SLC25A19: variants seen among roughly 807,000 people sequenced by gnomAD.
SLC25A19 encodes mitochondrial thiamine pyrophosphate carrier.
In SLC25A19, 18 loss-of-function variants were observed where a neutral mutation model predicts 27.9. The ratio of observed to expected loss-of-function variants is 0.64; its 90% confidence interval spans 0.45 to 0.96. The LOEUF is 0.96. SLC25A19 is among the 40% of genes least tolerant of loss of function. The pLI is 0.00. For missense variants in SLC25A19, 371 were observed against 418.3 expected, an observed-to-expected ratio of 0.89 and a Z score of 0.99; for synonymous variants, 169 against 167.1, an observed-to-expected ratio of 1.01 and a Z score of -0.09.
chr17:75,287,611 G>T (rs1007229796), intron 2 of SLC25A19: 1 of 152,210 alleles, frequency 6.6e-6, no homozygotes, highest in Admixed American at 6.5e-5. Context: ...AGATCAACTG[G>T]TTTTCCAAGA....
rs1798831443 is a variant in SLC25A19, at chr17:75,283,600, G to T, written c.289-7C>A. The T allele has an allele frequency of 6.2e-7, 1 of 1,612,626 alleles. No homozygotes were observed. Among genetic ancestry groups the T allele is most frequent in the South Asian group, 1.1e-5 (1 of 90,758 alleles). ...GCATTTCAAATGACAAGAACTGCAA[G>T]AGTAAGTGAAGAAGTCACCGACAGC... is the stretch of plus-strand genomic sequence containing the variant. On this transcript the variant is annotated splice_polypyrimidine_tract_variant and splice_region_variant and intron_variant, in intron 4 of 7. Transcript: ENST00000416858.
chr17:75,283,639 G>T (rs770898203), intron 4 of SLC25A19, 46 bp from the exon 5 acceptor site: 5 of 1,587,068 alleles, frequency 3.2e-6, no homozygotes, highest in African/African-American at 2.7e-5. Flanking sequence ...AAGGATGAGG[G>T]TGAGGACCAA....
chr17:75,274,943 T>C (rs1250261473), intron 7 of SLC25A19, among the ~76,000 whole-genome samples: 1 of 150,984 alleles, frequency 6.6e-6, no homozygotes, highest in South Asian at 2.1e-4. Flanking sequence ...TGTGGTTATC[T>C]GTGGTAGTGA....
chr17:75,282,945 G>A (rs960404998), intron 5 of SLC25A19, among the ~76,000 whole-genome samples: 15 of 150,912 alleles, frequency 9.9e-5, no homozygotes, highest in Non-Finnish European at 1.9e-4. Flanking sequence ...AAAATAGATC[G>A]CACCACTGCA....
intron 4 of SLC25A19, 79 bp from the exon 5 acceptor site, chr17:75,283,672 G>A (rs545990673): frequency 1.0e-5 from 15 of 1,446,618 alleles, no homozygotes; most frequent in East Asian, 9.5e-5. Context: ...TACATCACCC[G>A]TGACCCGGCT....
chr17:75,281,998 G>A (rs1031337600), intron 5 of SLC25A19, among the ~76,000 whole-genome samples: 6 of 152,184 alleles, frequency 3.9e-5, no homozygotes, highest in Non-Finnish European at 7.3e-5. Context: ...TGCCGAGTGC[G>A]GTGGCTCATG....
At chr17:75,278,440 C>T (rs867291427) in intron 5 of SLC25A19, 105 bp from the exon 6 acceptor site, 16 of 1,254,184 alleles carry the variant, frequency 1.3e-5, no homozygotes, top group African/African-American at 7.4e-5. Flanking sequence ...CTACCAGGAG[C>T]GAAACTCCTC....
chr17:75,273,539 G>A lies in SLC25A19; in HGVS notation c.875C>T (p.Ala292Val). 1 of 1,614,180 alleles carries A rather than the reference G, an allele frequency of 6.2e-7. No individual in the cohort carries two copies. The highest frequency in any genetic ancestry group is 8.5e-7 in the Non-Finnish European group (1 of 1,180,030). Residue 292 changes from alanine (A) to valine (V), a missense_variant, in exon 8 of 8, where the codon GCT (alanine) becomes GTT (valine). Transcript: ENST00000416858. ...GAACATGAAGCCTGTGGAGAGGGCA[G>A]CCTTCAGCAAGCTGGGGGACAGGCC... ...FKGLSPSLLK[A>V]ALSTGFMFFS... is the part of the protein sequence containing the mutation.
chr17:75,283,697 G>A (rs1456371538), intron 4 of SLC25A19, 104 bp from the exon 5 acceptor site: 7 of 1,112,406 alleles, frequency 6.3e-6, no homozygotes, highest in Admixed American at 1.9e-5. Context: ...CCCAGGTGGA[G>A]GGGCGAGGAA....
rs2078184699 is a variant in SLC25A19, at chr17:75,286,473, T to C, written c.133-14A>G. The stretch of plus-strand genomic sequence containing the variant: ...CTCATGCTGAAGCTAGGAATCAAAA[T>C]AAAAAAGGTCAGGACAGTGGGGTGG... On this transcript the variant is annotated splice_polypyrimidine_tract_variant and intron_variant, in intron 3 of 7. Transcript: ENST00000416858. The C allele has an allele frequency of 6.2e-7, 1 of 1,613,336 alleles. No individual in the cohort carries two copies. The highest frequency in any genetic ancestry group is 1.1e-5 in the South Asian group (1 of 91,074).
In SLC25A19 at chr17:75,283,558, GT is replaced by G. The variant is rs2078107035; in HGVS notation, c.323del (p.His108ProfsTer75). On this transcript the variant is annotated frameshift_variant, in exon 5 of 8. Transcript: ENST00000416858. LOFTEE classifies it high-confidence loss of function. ...CCCGGGCGTCATACACGCTGCCTCT[GT>G]GGACCAGCTCCGTCAGCATTTCAAA... Reference protein sequence around the residue: ...LSFEMLTELVHRGSVYDAREF... With the variant: ...LSFEMLTELVXRGSVYDAREF... 1 of 1,613,602 alleles carries G rather than the reference GT, an allele frequency of 6.2e-7. No individual in the cohort carries two copies. Among genetic ancestry groups the G allele is most frequent in the African/African-American group, 1.3e-5 (1 of 74,928 alleles).
Position 75,278,324 on chromosome 17 carries a change from C to A in SLC25A19, c.471G>T (p.Thr157=), listed in dbSNP as rs745578996. 1.9e-6 allele frequency: 3 copies of A among 1,613,910 alleles called. No individual in the cohort carries two copies. Among genetic ancestry groups the A allele is most frequent in the Non-Finnish European group, 1.7e-6 (2 of 1,180,014 alleles). ...AAQGEPKVYN[T]LRHAVGTMYR... ...ACATGGTCCCCACGGCGTGGCGCAG[C>A]GTATTATAGACCTGGACACACACAC... is the stretch of plus-strand genomic sequence containing the variant. Residue 157 remains threonine (T), a synonymous_variant, in exon 6 of 8, where the codon ACG becomes ACT. Coordinates refer to ENST00000416858, the MANE Select transcript of SLC25A19 (RefSeq NM_001126121.2).
At chr17:75,273,775 C>T (rs202228758) in intron 7 of SLC25A19, 136 bp from the exon 8 acceptor site, 6 of 409,074 alleles carry the variant, frequency 1.5e-5, no homozygotes, top group African/African-American at 9.6e-5. Context: ...TTTATTTTTT[C>T]GTTGAGGCAG....
chr17:75,277,920 C>A (rs1284789529), intron 6 of SLC25A19, among the ~76,000 whole-genome samples: 1 of 152,076 alleles, frequency 6.6e-6, no homozygotes. Flanking sequence ...AAACCATGAC[C>A]AATCACTGGA....
At chr17:75,285,159 A>T (rs762870527) in intron 4 of SLC25A19, among the ~76,000 whole-genome samples, 20 of 151,886 alleles carry the variant, frequency 1.3e-4, no homozygotes, top group Admixed American at 8.5e-4. Flanking sequence ...CTGGTCTCAA[A>T]CTCCTGAGCT....
intron 5 of SLC25A19, 73 bp downstream of exon 5, chr17:75,283,346 TAAAA>T (rs1046967656): frequency 1.5e-6 from 2 of 1,352,744 alleles, no homozygotes; most frequent in Non-Finnish European, 9.9e-7. Flanking sequence ...AATAAATAAA[TAAAA>T]AATAAAGAAT....
At chr17:75,277,575 C>A in intron 6 of SLC25A19, 92 bp from the exon 7 acceptor site, 1 of 1,463,342 alleles carries the variant, frequency 6.8e-7, no homozygotes, top group South Asian at 1.1e-5. Context: ...TCCTCCACCA[C>A]AAACCAAACC....
chr17:75,278,130 T>C, intron 6 of SLC25A19, 22 bp downstream of exon 6: 4 of 1,612,152 alleles, frequency 2.5e-6, no homozygotes, highest in Non-Finnish European at 3.4e-6. Flanking sequence ...GAGGGCTCCC[T>C]CTCGTGTGAG....
At chr17:75,289,140 G>C (rs527318357) in intron 1 of SLC25A19, 1 of 152,496 alleles carries the variant, frequency 6.6e-6, no homozygotes, top group East Asian at 1.9e-4. Flanking sequence ...GAGTCCGAGG[G>C]GACGCCCTGG....
Sources: gnomAD v4.1 joint callset for allele counts (sites outside exome capture counted in the v4.1 genomes callset) on GRCh38, gnomAD v4.1.1 for gene constraint, MANE v1.5 for transcripts, NCBI Gene and HGNC (gene_info 2026-07-23, HGNC 2026-07-21) for gene names.